Variants in DMD observed in about 807,000 individuals in gnomAD.
The protein encoded by DMD is dystrophin.
Under a neutral mutation model 330.1 loss-of-function variants are expected in DMD, and 63 were observed. That is an observed-to-expected ratio of 0.19 (90% CI 0.16 to 0.24). The LOEUF is 0.24. Ranked by LOEUF, DMD falls within the 10% of genes least tolerant of loss-of-function variation. DMD has a pLI of 1.00. For synonymous variants in DMD, 1,223 were observed against 959.8 expected (o/e 1.27, Z -5.07); for missense variants, 3,344 against 2,684.1 (o/e 1.25, Z -5.43).
intron 60 of DMD, among the ~76,000 whole-genome samples, chrX:31,363,082 A>G (rs994359569): frequency 8.9e-6 from 1 of 112,800 alleles, no homozygotes; most frequent in African/African-American, 3.2e-5. Context: ...AAGGCAATGC[A>G]TATGCTGAAC....
intron 1 of DMD, among the ~76,000 whole-genome samples, chrX:33,331,656 C>T (rs1603431003): frequency 9.0e-6 from 1 of 111,507 alleles, no homozygotes; most frequent in East Asian, 2.8e-4. Context: ...CATCCATTTA[C>T]CTTCAGGTGT....
intron 2 of DMD, among the ~76,000 whole-genome samples, chrX:32,967,542 T>C (rs1333596926): frequency 9.0e-6 from 1 of 111,450 alleles, no homozygotes; most frequent in Non-Finnish European, 1.9e-5. Flanking sequence ...GAATGCTGCT[T>C]GGGTCTTCAA....
At chrX:31,326,431 T>G (rs1225106232) in intron 61 of DMD, among the ~76,000 whole-genome samples, 1 of 110,722 alleles carries the variant, frequency 9.0e-6, no homozygotes, top group Non-Finnish European at 1.9e-5. Context: ...TTGTCTTATG[T>G]GTAGCCATCA....
chrX:33,045,425 G>T (rs773377548), intron 1 of DMD, among the ~76,000 whole-genome samples: 6 of 110,359 alleles, frequency 5.4e-5, no homozygotes, highest in Non-Finnish European at 7.6e-5. Context: ...CACTGCCTTA[G>T]GGTTGTTTAT....
chrX:32,600,210 T>G (rs751367350), intron 12 of DMD, among the ~76,000 whole-genome samples: 14 of 112,202 alleles, frequency 1.2e-4, no homozygotes, highest in Non-Finnish European at 1.9e-4. Flanking sequence ...GAGAGCCACT[T>G]CAGTGTTTAT....
intron 46 of DMD, among the ~76,000 whole-genome samples, chrX:31,931,843 A>G (rs892260435): frequency 1.8e-5 from 2 of 109,589 alleles, no homozygotes; most frequent in Non-Finnish European, 3.8e-5. Flanking sequence ...GTGTAGATGT[A>G]TAGATGCAAT....
chrX:32,398,235 A>G (rs1332614966), intron 30 of DMD, among the ~76,000 whole-genome samples: 1 of 105,613 alleles, frequency 9.5e-6, no homozygotes, highest in Non-Finnish European at 1.9e-5. Context: ...GAAGAAATTC[A>G]CACAGCTTTG....
At chrX:32,506,210 T>C (rs778885799) in intron 18 of DMD, among the ~76,000 whole-genome samples, 17 of 111,401 alleles carry the variant, frequency 1.5e-4, no homozygotes, top group Non-Finnish European at 3.0e-4. Context: ...TAAGTTCATC[T>C]GTTGAAACAA....
chrX:31,870,658 C>A lies in DMD; in HGVS notation c.7098+4530G>T, dbSNP rs140816837. On this transcript the variant is annotated intron_variant, in intron 48 of 78. Coordinates refer to ENST00000357033, the MANE Select transcript of DMD (RefSeq NM_004006.3). ...GACAACACTCACAGCAATGTGAACA[C>A]ACACAGTGTTCAGTGACTTTAATGG... Among the ~76,000 whole-genome samples the A allele has an allele frequency of 7.6e-3, 848 of 112,120 alleles. 5 individuals are homozygous for A. Among genetic ancestry groups the A allele is most frequent in the Non-Finnish European group, 0.012 (618 of 53,188 alleles).
At chrX:33,088,055 T>C (rs1041983010) in intron 1 of DMD, among the ~76,000 whole-genome samples, 1 of 111,141 alleles carries the variant, frequency 9.0e-6, no homozygotes, top group Non-Finnish European at 1.9e-5. Context: ...ATATATTTTA[T>C]TTTATTTTTA....
intron 48 of DMD, among the ~76,000 whole-genome samples, chrX:31,844,612 T>A (rs941257848): frequency 8.9e-6 from 1 of 112,054 alleles, no homozygotes; most frequent in Non-Finnish European, 1.9e-5. Context: ...TAGATTGCTT[T>A]AAGCAGTATG....
chrX:33,070,693 A>C (rs1250957926), intron 1 of DMD, among the ~76,000 whole-genome samples: 99 of 90,102 alleles, frequency 1.1e-3, no homozygotes, highest in African/African-American at 3.5e-3. Context: ...ATATATATAT[A>C]TATATATATA....
intron 7 of DMD, among the ~76,000 whole-genome samples, chrX:32,804,890 G>T (rs913937515): frequency 1.8e-5 from 2 of 112,229 alleles, no homozygotes; most frequent in Non-Finnish European, 3.8e-5. Context: ...GGGCCTGTTT[G>T]AAGGAAAACT....
intron 2 of DMD, among the ~76,000 whole-genome samples, chrX:32,974,751 C>T (rs1171842898): frequency 9.0e-6 from 1 of 111,713 alleles, no homozygotes; most frequent in Admixed American, 9.6e-5. Flanking sequence ...CTGTTTCCCT[C>T]ATTGTTTGCT....
intron 2 of DMD, among the ~76,000 whole-genome samples, chrX:33,012,244 T>G (rs188126549): frequency 5.9e-4 from 66 of 111,806 alleles, no homozygotes; most frequent in Non-Finnish European, 9.4e-5. Flanking sequence ...GGAATGGTTC[T>G]CAGTAGATTA....
intron 41 of DMD, among the ~76,000 whole-genome samples, chrX:32,339,018 A>G (rs1215005204): frequency 8.9e-6 from 1 of 112,484 alleles, no homozygotes; most frequent in East Asian, 2.8e-4. Context: ...TAAAAATTAA[A>G]GATTATGTCT....
intron 43 of DMD, among the ~76,000 whole-genome samples, chrX:32,242,503 T>C (rs1335930935): frequency 8.9e-6 from 1 of 112,056 alleles, no homozygotes; most frequent in African/African-American, 3.2e-5. Context: ...GTCTAGCACG[T>C]TGCTATATGT....
chrX:33,102,746 T>G (rs1212781170), intron 1 of DMD, among the ~76,000 whole-genome samples: 1 of 111,757 alleles, frequency 8.9e-6, no homozygotes, highest in African/African-American at 3.3e-5. Flanking sequence ...CATATCAAAT[T>G]ATAAATGAAT....
At chrX:32,276,350 G>A (rs1429334686) in intron 43 of DMD, among the ~76,000 whole-genome samples, 1 of 112,458 alleles carries the variant, frequency 8.9e-6, no homozygotes, top group African/African-American at 3.2e-5. Context: ...CCTGGGCTAA[G>A]AGCTAGAGGA....
Sources: allele counts gnomAD v4.1 joint callset (sites outside exome capture counted in the v4.1 genomes callset), GRCh38; gene constraint gnomAD v4.1.1; transcripts MANE v1.5; gene names NCBI Gene and HGNC (gene_info 2026-07-23, HGNC 2026-07-21).